Variants in LPCAT4 observed in about 807,000 individuals in gnomAD.
LPCAT4 encodes the protein lysophosphatidylcholine acyltransferase 4, also known as lysophospholipid acyltransferase LPCAT4.
Under a neutral mutation model 66.5 loss-of-function variants are expected in LPCAT4, and 30 were observed. The observed-to-expected ratio is 0.45, with a 90% CI of 0.34 to 0.61. The LOEUF (loss-of-function observed/expected upper bound fraction) is 0.61. Ranked by LOEUF, LPCAT4 falls within the 20% of genes least tolerant of loss-of-function variation. LPCAT4 has a pLI of 0.01. For missense variants in LPCAT4, 557 were observed against 656.7 expected (o/e 0.85, Z 1.66); for synonymous variants, 253 against 262.1 (o/e 0.97, Z 0.34).
chr15:34,362,714 C>CA, intron 8 of LPCAT4, 59 bp from the exon 9 acceptor site: 1 of 1,611,248 alleles, frequency 6.2e-7, no homozygotes, highest in Non-Finnish European at 8.5e-7. Context: ...TGACCACTCC[C>CA]ACCCTCTTTT....
At position 34,362,852 on chromosome 15, in the gene LPCAT4, T is replaced by C. The variant is rs1890980343; in HGVS notation, c.747-16A>G. Reference sequence around the variant, plus strand: ...GACTTTGAGTCTAAGAGAAGAGAGATTTCGATACTCACCAATCTCTAACTA... The same window carrying C: ...GACTTTGAGTCTAAGAGAAGAGAGACTTCGATACTCACCAATCTCTAACTA... On this transcript the variant is annotated splice_polypyrimidine_tract_variant and intron_variant, in intron 7 of 13. Transcript: ENST00000314891. The C allele has an allele frequency of 2.5e-6, 4 of 1,613,564 alleles. No homozygotes were observed. Among genetic ancestry groups the C allele is most frequent in the Non-Finnish European group, 3.4e-6 (4 of 1,179,620 alleles).
intron 7 of LPCAT4, 92 bp from the exon 8 acceptor site, chr15:34,362,928 G>T (rs1371553043): frequency 5.3e-6 from 7 of 1,312,396 alleles, no homozygotes; most frequent in Admixed American, 3.8e-5. Flanking sequence ...CAACCCAGGT[G>T]GGGAGTGGGA....
Position 34,367,125 on chromosome 15 carries a change from C to A in LPCAT4, c.-25G>T, listed in dbSNP as rs1891100083. On this transcript the variant is annotated 5_prime_UTR_variant, in exon 1 of 14. Coordinates refer to ENST00000314891, the MANE Select transcript of LPCAT4 (RefSeq NM_153613.3). ...TGGCGGGAGAAGGTGGGAGGGAGGG[C>A]ACCCCGGCCCTGGCCCCGGCCACCA... 6.6e-7 allele frequency: 1 copy of A among 1,515,408 alleles called. No individual in the cohort carries two copies. Among genetic ancestry groups the A allele is most frequent in the South Asian group, 1.2e-5 (1 of 80,464 alleles). The allele number at this position is 1,515,408 out of a possible 1,614,324, so 93.9% of individuals were successfully genotyped here.
rs1350350765 is a variant in LPCAT4, at chr15:34,361,535, A to G, written c.1011-3T>C. The G allele has an allele frequency of 1.1e-5, 18 of 1,613,388 alleles. No individual in the cohort carries two copies. The highest frequency in any genetic ancestry group is 1.5e-5 in the Non-Finnish European group (18 of 1,180,012). ...CGTCCACATAGCCAGCGGACAGCCT[A>G]CGATGGAATTGTTGAAGGCAGAGAG... On this transcript the variant is annotated splice_polypyrimidine_tract_variant and splice_region_variant and intron_variant, in intron 10 of 13. Transcript: ENST00000314891.
At chr15:34,361,948 C>A (rs112419146) in intron 10 of LPCAT4, among the ~76,000 whole-genome samples, 1 of 152,250 alleles carries the variant, frequency 6.6e-6, no homozygotes, top group African/African-American at 2.4e-5. Context: ...ATCCACCCGC[C>A]TTGGCCTCCC....
In LPCAT4 at chr15:34,363,353, G is replaced by A; in HGVS notation, c.746+69C>T. ...GGCCATTCACCTTGTCGGGAGATTG[G>A]AAGATGGGCCAGGAATTCTCTGATG... On this transcript the variant is annotated intron_variant, in intron 7 of 13. Transcript: ENST00000314891. This position sits in a 1 kb window ranked among gnomAD's most constrained non-coding sequence, Gnocchi z 4.3. 6.5e-7 allele frequency: 1 copy of A among 1,540,906 alleles called. No homozygotes were observed. Among genetic ancestry groups the A allele is most frequent in the South Asian group, 1.2e-5 (1 of 84,818 alleles).
rs1204040394 is a variant in LPCAT4 at position 34,367,139 on chromosome 15, C to G, written c.-39G>C. On this transcript the variant is annotated 5_prime_UTR_variant, in exon 1 of 14. Transcript: ENST00000314891. ...GGGAGGGAGGGCACCCCGGCCCTGGCCCCGGCCACCACTCTGCAGAGCAGC... is the reference window on the plus strand; with the variant it reads ...GGGAGGGAGGGCACCCCGGCCCTGGGCCCGGCCACCACTCTGCAGAGCAGC... The G allele has an allele frequency of 4.0e-6, 6 of 1,493,410 alleles. No homozygotes were observed. The Middle Eastern group carries it at 9.6e-4, about 239-fold the overall frequency. The allele number at this position is 1,493,410 out of a possible 1,614,324, so 92.5% of individuals were successfully genotyped here. A position where few individuals can be genotyped will look rare whatever the true frequency, so the allele number is the denominator to read the frequency against.
chr15:34,362,596 GT>G lies in LPCAT4; in HGVS notation c.860del (p.Asn287ThrfsTer21). 6.4e-7 allele frequency: 1 copy of G among 1,561,734 alleles called. No individual in the cohort carries two copies. The highest frequency in any genetic ancestry group is 8.7e-7 in the Non-Finnish European group (1 of 1,153,678). On this transcript the variant is annotated frameshift_variant, in exon 9 of 14. Transcript: ENST00000314891. LOFTEE classifies it high-confidence loss of function. ...EESRDPTLYA[N>X]NVQRVMAQAL... ...ACTGTGCCATGACCCTCTGAACATT[GT>G]TGGCATAGAGGGTGGGGTCCCTGCT...
rs761336929 is a variant in LPCAT4 at position 34,363,614 on chromosome 15, G to A, written c.711+47C>T. On this transcript the variant is annotated intron_variant, in intron 6 of 13. Coordinates refer to ENST00000314891, the MANE Select transcript of LPCAT4 (RefSeq NM_153613.3). The surrounding 1 kb of genome is among the most constrained non-coding windows in gnomAD (Gnocchi z 4.3). ...CAGTTTTCACTTATTTCCATTTGGG[G>A]TGGATTTGTGCTCCCCCTTTCCACT... 5.6e-6 allele frequency: 9 copies of A among 1,609,186 alleles called. No homozygotes were observed. The highest frequency in any genetic ancestry group is 3.3e-5 in the Admixed American group (2 of 60,004).
Position 34,361,504 on chromosome 15 carries a change from C to T in LPCAT4, c.1039G>A (p.Ala347Thr). The change falls in exon 11 of 14, where the codon GCA becomes ACA. Residue 347 changes from alanine to threonine, a missense_variant. This residue lies in a region of LPCAT4 where 392 missense variants were observed against 473.9 expected (regional missense o/e 0.83). Transcript: ENST00000314891. ...GLSAGYVDAG[A>T]EPGRSRMISQ... ...ATCATTCGACTCCGGCCTGGCTCTG[C>T]CCCAGCGTCCACATAGCCAGCGGAC... is the stretch of plus-strand genomic sequence containing the variant. 2 of 1,613,948 alleles carry T rather than the reference C, an allele frequency of 1.2e-6. No individual in the cohort carries two copies. The highest frequency in any genetic ancestry group is 8.5e-7 in the Non-Finnish European group (1 of 1,180,016).
At chr15:34,359,872 A>C (rs1377484562) in intron 12 of LPCAT4, 127 bp from the exon 13 acceptor site, 1 of 992,868 alleles carries the variant, frequency 1.0e-6, no homozygotes, top group Non-Finnish European at 1.5e-6. Context: ...CTGACCCTCC[A>C]GTGCCCTTTC....
rs147908497 is a variant in LPCAT4 at position 34,364,901 on chromosome 15, C to T, written c.478+107G>A. On this transcript the variant is annotated intron_variant, in intron 3 of 13. Coordinates refer to ENST00000314891, the MANE Select transcript of LPCAT4 (RefSeq NM_153613.3). ...TGTTAATTTATATTTCACTTGCCAA[C>T]AGTCCCTCCCCACTTTGAGGCCAGT... 6.3e-4 allele frequency: 548 copies of T among 874,486 alleles called. 2 individuals carry two copies. The African/African-American group carries it at 8.2e-3, about 13-fold the overall frequency. 54.2% of individuals were successfully genotyped at this position (874,486 alleles called of 1,614,324 possible). A position where few individuals can be genotyped will look rare whatever the true frequency, so the allele number is the denominator to read the frequency against.
chr15:34,359,913 T>G, intron 12 of LPCAT4, 168 bp from the exon 13 acceptor site: 5 of 807,374 alleles, frequency 6.2e-6, no homozygotes, highest in Non-Finnish European at 9.7e-6. Flanking sequence ...AGCTTTTTCC[T>G]TCTTCTTCCT....
intron 3 of LPCAT4, 105 bp from the exon 4 acceptor site, chr15:34,364,411 C>CT (rs60508631): frequency 0.042 from 23,292 of 553,744 alleles, 451 homozygotes; most frequent in African/African-American, 0.15. Context: ...TCTGTTATCT[C>CT]TTTTTTTTTT....
At chr15:34,366,218 G>C (rs1390425) in intron 1 of LPCAT4, among the ~76,000 whole-genome samples, 1 of 151,990 alleles carries the variant, frequency 6.6e-6, no homozygotes, top group African/African-American at 2.4e-5. Context: ...AGCAATCTTA[G>C]AGTACCGGGG....
At position 34,359,684 on chromosome 15, in the gene LPCAT4, G is replaced by C. The variant is rs750023059; in HGVS notation, c.1304C>G (p.Thr435Ser). Reference sequence around the variant, plus strand: ...TGAACCCAGCAGCAGGTGCAGGATGGTGCTGAAGCCGTCTTTGTACAGCAG... The same window carrying C: ...TGAACCCAGCAGCAGGTGCAGGATGCTGCTGAAGCCGTCTTTGTACAGCAG... Reference protein sequence around the residue: ...NRLLYKDGFSTILHLLLGSPH... With the variant: ...NRLLYKDGFSSILHLLLGSPH... The change falls in exon 13 of 14, where the codon ACC (threonine) becomes AGC (serine). Residue 435 changes from threonine (T) to serine (S), a missense_variant. Physicochemically the swap from Thr to Ser is moderately conservative, Grantham distance 58 (BLOSUM62 1). Around this residue, in one of 4 missense-constraint regions of LPCAT4, gnomAD observed 392 missense variants for 473.9 expected, o/e 0.83. Coordinates refer to ENST00000314891, the MANE Select transcript of LPCAT4 (RefSeq NM_153613.3). 2 of 1,613,812 alleles carry C rather than the reference G, an allele frequency of 1.2e-6. No individual in the cohort carries two copies. The highest frequency in any genetic ancestry group is 3.3e-5 in the Admixed American group (2 of 60,012).
rs764538406 is a variant in LPCAT4, at chr15:34,362,321, C to G, written c.885G>C (p.Gln295His). ...ATTCGGTGGCTGGAATGCCCAGAGC[C>G]CTACAGGATGAAGAGGGATGGGATG... Reference protein sequence around the residue: ...YANNVQRVMAQALGIPATECE... With the variant: ...YANNVQRVMAHALGIPATECE... The change falls in exon 10 of 14, where the codon CAG becomes CAC. Residue 295 changes from glutamine to histidine, a missense_variant and splice_region_variant. Gln to His is a conservative substitution (Grantham distance 24). Transcript: ENST00000314891. The G allele has an allele frequency of 6.2e-7, 1 of 1,614,110 alleles. No homozygotes were observed. The highest frequency in any genetic ancestry group is 8.5e-7 in the Non-Finnish European group (1 of 1,180,008).
chr15:34,359,195 A>G lies in LPCAT4; in HGVS notation c.1507T>C (p.Ser503Pro). ...AGAGCAGTGGGGTTGCCTGGGGATG[A>G]GGCATTTGGTGTCTGGGAGGTGCCT... ...SRGTSQTPNASSPGNPTALAN... is the reference protein window; with the variant it reads ...SRGTSQTPNAPSPGNPTALAN... The change falls in exon 14 of 14, where the codon TCA (serine) becomes CCA (proline). Residue 503 changes from serine to proline, a missense_variant. Physicochemically the swap from Ser to Pro is moderately conservative, Grantham distance 74. Coordinates refer to ENST00000314891, the MANE Select transcript of LPCAT4 (RefSeq NM_153613.3). 3.1e-6 allele frequency: 5 copies of G among 1,604,388 alleles called. No individual in the cohort carries two copies. Among genetic ancestry groups the G allele is most frequent in the South Asian group, 1.1e-5 (1 of 88,958 alleles).
At position 34,359,112 on chromosome 15, in the gene LPCAT4, G is replaced by C; in HGVS notation, c.*15C>G. On this transcript the variant is annotated 3_prime_UTR_variant, in exon 14 of 14. Transcript: ENST00000314891. ...AGCGCTGCCCTGAGGAGGAGGGGGT[G>C]AGAGGCTGAGGCACTCAGTCTCCCT... is the stretch of plus-strand genomic sequence containing the variant. The C allele has an allele frequency of 1.3e-6, 2 of 1,595,076 alleles. No individual in the cohort carries two copies. Among genetic ancestry groups the C allele is most frequent in the South Asian group, 2.3e-5 (2 of 87,956 alleles).
Sources: gnomAD v4.1 joint callset for allele counts (sites outside exome capture counted in the v4.1 genomes callset) on GRCh38, gnomAD v4.1.1 for gene constraint, gnomAD v4.1.1 regional missense constraint, Gnocchi (gnomAD v3.1) non-coding constraint, MANE v1.5 for transcripts, NCBI Gene and HGNC (gene_info 2026-07-23, HGNC 2026-07-21) for gene names.